Variants in PLXNA3 observed in about 807,000 individuals in gnomAD.
PLXNA3 encodes plexin A3.
PLXNA3 carries 52 observed loss-of-function variants against 118.8 expected under a neutral mutation model. The observed-to-expected ratio is 0.44, with a 90% confidence interval of 0.35 to 0.55. PLXNA3 has a LOEUF of 0.55. Ranked by LOEUF, PLXNA3 falls within the 20% of genes least tolerant of loss-of-function variation. The probability of loss-of-function intolerance (pLI) is 0.01; values close to 1 mark genes in which losing one functional copy is unlikely to be tolerated. For synonymous variants in PLXNA3, 925 were observed against 762.4 expected, an observed-to-expected ratio of 1.21 and a Z score of -3.51; for missense variants, 1,660 against 1,730.8, an observed-to-expected ratio of 0.96 and a Z score of 0.73.
At position 154,465,864 on chromosome X, in the gene PLXNA3, G is replaced by A. The variant is rs782037021; in HGVS notation, c.2532+17G>A. On this transcript the variant is annotated intron_variant, in intron 13 of 32. Coordinates refer to ENST00000369682, the MANE Select transcript of PLXNA3 (RefSeq NM_017514.5). ...ATCACGCAGGTCAGCCTCCCTCACC[G>A]CCCCTGCCCACTGCCAACAGGGCCC... is the stretch of plus-strand genomic sequence containing the variant. 5.0e-6 allele frequency: 6 copies of A among 1,206,350 alleles called. No homozygotes were observed. The highest frequency in any genetic ancestry group is 4.4e-5 in the Admixed American group (2 of 45,688).
intron 4 of PLXNA3, among the ~76,000 whole-genome samples, chrX:154,462,791 G>T (rs1326375365): frequency 9.0e-6 from 1 of 110,840 alleles, no homozygotes; most frequent in Non-Finnish European, 1.9e-5. Context: ...GGGATCTGGG[G>T]GTAGCTTGGC....
rs782442410 is a variant in PLXNA3 at position 154,460,306 on chromosome X, G to A, written c.123G>A (p.Val41=). The A allele has an allele frequency of 1.8e-5, 22 of 1,209,054 alleles. No individual in the cohort carries two copies. In the South Asian group the frequency reaches 3.7e-4, roughly 20 times the overall value. Residue 41 remains valine, a synonymous_variant, in exon 2 of 33, where the codon GTG becomes GTA. Coordinates refer to ENST00000369682, the MANE Select transcript of PLXNA3 (RefSeq NM_017514.5). The stretch of plus-strand genomic sequence containing the variant: ...TTACCCACCTGGCTGTGCACCGGGT[G>A]ACTGGGGAGGTGTTCGTGGGCGCAG... ...TTLTHLAVHR[V]TGEVFVGAVN...
rs369435958 is a variant in PLXNA3, at chrX:154,463,959, G to A, written c.1556G>A (p.Arg519His). The change falls in exon 7 of 33, where the codon CGC (arginine) becomes CAC (histidine). Residue 519 changes from arginine to histidine, a missense_variant. Physicochemically the swap from Arg to His is conservative, Grantham distance 29. This residue lies in a region of PLXNA3 where 791 missense variants were observed against 652.1 expected (regional missense o/e 1.21). Coordinates refer to ENST00000369682, the MANE Select transcript of PLXNA3 (RefSeq NM_017514.5). ...GGCCCGACCCCGTGCAGGTGCTGCCGCGAAGGGGCCTGTCTGGGCGCCTCT... is the reference window on the plus strand; with the variant it reads ...GGCCCGACCCCGTGCAGGTGCTGCCACGAAGGGGCCTGTCTGGGCGCCTCT... ...GWCVLRHRCC[R>H]EGACLGASAP... 5.9e-5 allele frequency: 69 copies of A among 1,171,501 alleles called. No individual in the cohort carries two copies. Among genetic ancestry groups the A allele is most frequent in the Middle Eastern group, 2.8e-4 (1 of 3,526 alleles).
intron 2 of PLXNA3, 24 bp from the exon 3 acceptor site, chrX:154,461,075 C>G: frequency 8.6e-7 from 1 of 1,168,171 alleles, no homozygotes; most frequent in Non-Finnish European, 1.2e-6. Flanking sequence ...TCACCGGATG[C>G]TGTCTCCTCC....
intron 31 of PLXNA3, 82 bp from the exon 32 acceptor site, chrX:154,471,406 G>GC: frequency 1.7e-6 from 2 of 1,157,349 alleles, no homozygotes; most frequent in Non-Finnish European, 2.3e-6. Flanking sequence ...CAGGCAGGAA[G>GC]CCCGGGGGCT....
rs141311907 is a variant in PLXNA3, at chrX:154,460,327, C to T, written c.144C>T (p.Gly48=). ...GGGTGACTGGGGAGGTGTTCGTGGGCGCAGTGAACCGAGTCTTTAAGCTGG... is the reference window on the plus strand; with the variant it reads ...GGGTGACTGGGGAGGTGTTCGTGGGTGCAGTGAACCGAGTCTTTAAGCTGG... The part of the protein sequence containing the change: ...VHRVTGEVFV[G]AVNRVFKLAP... Residue 48 remains glycine (G), a synonymous_variant, in exon 2 of 33, where the codon GGC becomes GGT. Coordinates refer to ENST00000369682, the MANE Select transcript of PLXNA3 (RefSeq NM_017514.5). The T allele has an allele frequency of 3.1e-4, 371 of 1,209,035 alleles. No homozygotes were observed. The highest frequency in any genetic ancestry group is 1.3e-3 in the East Asian group (43 of 33,758).
intron 3 of PLXNA3, 109 bp from the exon 4 acceptor site, chrX:154,462,019 G>C (rs1557204824): frequency 9.3e-6 from 6 of 646,739 alleles, no homozygotes; most frequent in South Asian, 3.1e-5. Context: ...GTCCTGGCTG[G>C]AGGGGACCGG....
At chrX:154,461,010 C>T (rs781875833) in intron 2 of PLXNA3, 89 bp from the exon 3 acceptor site, 199 of 857,241 alleles carry the variant, frequency 2.3e-4, no homozygotes, top group East Asian at 1.0e-3. Flanking sequence ...ATCATCCAGG[C>T]GGGAGGGGGA....
rs782738193 is a variant in PLXNA3 at position 154,462,281 on chromosome X, A to G, written c.1288A>G (p.Ile430Val). 3.4e-6 allele frequency: 4 copies of G among 1,167,950 alleles called. No individual in the cohort carries two copies. Among genetic ancestry groups the G allele is most frequent in the South Asian group, 3.9e-5 (2 of 51,718 alleles). The change falls in exon 4 of 33, where the codon ATT becomes GTT. Residue 430 changes from isoleucine to valine, a missense_variant. Ile to Val is a conservative substitution (Grantham distance 29, BLOSUM62 3). Around this residue, in one of 2 missense-constraint regions of PLXNA3, gnomAD observed 791 missense variants for 652.1 expected, o/e 1.21. Coordinates refer to ENST00000369682, the MANE Select transcript of PLXNA3 (RefSeq NM_017514.5). ...CTACCGCCAGCACTCTGTGGTCTTC[A>G]TTGGCACGCGCAGCGGCAGCTTGAA... is the stretch of plus-strand genomic sequence containing the variant. ...YTYRQHSVVF[I>V]GTRSGSLKKV...
In PLXNA3 at chrX:154,471,234, C is replaced by T. The variant is rs782260275; in HGVS notation, c.5286C>T (p.Ser1762=). ...CCTTCATGGACTCCTGCTCTACATC[C>T]GAGCACCGCCTGGGGAAGGACTCGC... ...AQTFMDSCST[S]EHRLGKDSPS... is the part of the protein sequence containing the mutation. The change falls in exon 31 of 33, where the codon TCC becomes TCT. Residue 1762 remains serine, a synonymous_variant. Transcript: ENST00000369682. 9 of 1,209,268 alleles carry T rather than the reference C, an allele frequency of 7.4e-6. No homozygotes were observed. Among genetic ancestry groups the T allele is most frequent in the African/African-American group, 3.5e-5 (2 of 57,164 alleles).
intron 4 of PLXNA3, 140 bp downstream of exon 4, chrX:154,462,450 G>T: frequency 2.1e-6 from 1 of 472,078 alleles, no homozygotes; most frequent in Non-Finnish European, 3.2e-6. Context: ...TCCCTGGCTG[G>T]GTCCCAGGCG....
chrX:154,468,361 C>T lies in PLXNA3; in HGVS notation c.4022C>T (p.Ala1341Val), dbSNP rs1202566940. 28 of 1,208,902 alleles carry T rather than the reference C, an allele frequency of 2.3e-5. No homozygotes were observed. The highest frequency in any genetic ancestry group is 1.2e-4 in the South Asian group (7 of 56,835). ...TTCGGGCAGCTGCTGCACAGCCGCG[C>T]GTTCGTGCTTACCTTCATCCACACG... The part of the protein sequence containing the change: ...RLFGQLLHSR[A>V]FVLTFIHTLE... The change falls in exon 23 of 33, where the codon GCG becomes GTG. Residue 1341 changes from alanine to valine, a missense_variant. By Grantham distance (64) the Ala-to-Val change is moderately conservative (BLOSUM62 0). This residue lies in a region of PLXNA3 where 869 missense variants were observed against 1,078.7 expected (regional missense o/e 0.81). Transcript: ENST00000369682.
Position 154,467,241 on chromosome X carries a change from G to A in PLXNA3, c.3211G>A (p.Val1071Met). The A allele has an allele frequency of 8.3e-7, 1 of 1,210,702 alleles. No individual in the cohort carries two copies. Among genetic ancestry groups the A allele is most frequent in the Non-Finnish European group, 1.1e-6 (1 of 895,268 alleles). Residue 1071 changes from valine to methionine, a missense_variant, in exon 19 of 33, where the codon GTG becomes ATG. By Grantham distance (21) the Val-to-Met change is conservative. Coordinates refer to ENST00000369682, the MANE Select transcript of PLXNA3 (RefSeq NM_017514.5). The part of the protein sequence containing the change: ...RGIETTNTCQ[V>M]INDTAMLCKA... ...ACCTTTGTCCCCACAGACATGCCAA[G>A]TGATCAACGACACTGCCATGCTGTG...
intron 17 of PLXNA3, 21 bp downstream of exon 17, chrX:154,466,814 G>T (rs1557207334): frequency 8.7e-7 from 1 of 1,149,770 alleles, no homozygotes; most frequent in Non-Finnish European, 1.2e-6. Flanking sequence ...GGGGGACTGG[G>T]GAGCCTGGCA....
intron 30 of PLXNA3, chrX:154,470,898 C>G: frequency 2.2e-6 from 1 of 447,240 alleles, no homozygotes; most frequent in Non-Finnish European, 3.9e-6. Context: ...AGAGCGGTGA[C>G]AGGAGAAGCT....
rs1557205916 is a variant in PLXNA3 at position 154,464,044 on chromosome X, C to A, written c.1641C>A (p.Asn547Lys). ...GTGTCCAGGTGCGGGTCCGGCCCAA[C>A]AATGTGTCAGTGACGTCACCTGGGG... is the stretch of plus-strand genomic sequence containing the variant. ...SKCVQVRVRPNNVSVTSPGVQ... is the reference protein window; with the variant it reads ...SKCVQVRVRPKNVSVTSPGVQ... Residue 547 changes from asparagine (N) to lysine (K), a missense_variant, in exon 7 of 33, where the codon AAC becomes AAA. This residue lies in a region of PLXNA3 where 791 missense variants were observed against 652.1 expected (regional missense o/e 1.21). Coordinates refer to ENST00000369682, the MANE Select transcript of PLXNA3 (RefSeq NM_017514.5). 8.3e-7 allele frequency: 1 copy of A among 1,210,739 alleles called. No individual in the cohort carries two copies. The highest frequency in any genetic ancestry group is 1.1e-6 in the Non-Finnish European group (1 of 895,085).
Position 154,467,911 on chromosome X carries a change from C to T in PLXNA3, c.3730C>T (p.Arg1244Cys), listed in dbSNP as rs367761143. 1.5e-5 allele frequency: 18 copies of T among 1,208,509 alleles called. No homozygotes were observed. Among genetic ancestry groups the T allele is most frequent in the South Asian group, 1.8e-5 (1 of 56,823 alleles). ...CACAGCCGTGCTGGTGGCCTACAAG[C>T]GCAAGACTCAGGACGCGGACCGTAC... ...AITAVLVAYK[R>C]KTQDADRTLK... The change falls in exon 21 of 33, where the codon CGC becomes TGC. Residue 1244 changes from arginine (R) to cysteine (C), a missense_variant. By Grantham distance (180) the Arg-to-Cys change is radical. Coordinates refer to ENST00000369682, the MANE Select transcript of PLXNA3 (RefSeq NM_017514.5).
chrX:154,469,819 C>T (rs370041119), intron 28 of PLXNA3, 35 bp downstream of exon 28: 29 of 1,150,574 alleles, frequency 2.5e-5, no homozygotes, highest in Non-Finnish European at 3.3e-5. Context: ...ATGTGCCCTT[C>T]GAGGGAACCC....
At chrX:154,458,884 C>T (rs2068886761) in intron 1 of PLXNA3, among the ~76,000 whole-genome samples, 1 of 111,802 alleles carries the variant, frequency 8.9e-6, no homozygotes, top group Non-Finnish European at 1.9e-5. Context: ...ACTGCCTCCC[C>T]AGGTCTCCCT....
Sources: allele counts gnomAD v4.1 joint callset (sites outside exome capture counted in the v4.1 genomes callset), GRCh38; gene constraint gnomAD v4.1.1; regional missense constraint gnomAD v4.1.1; transcripts MANE v1.5; gene names NCBI Gene and HGNC (gene_info 2026-07-23, HGNC 2026-07-21).